DBH: variants seen among roughly 807,000 people sequenced by gnomAD.
The protein encoded by DBH is dopamine beta-hydroxylase.
Under a neutral mutation model 64.0 loss-of-function variants are expected in DBH, and 49 were observed. That is an observed-to-expected ratio of 0.77 (90% CI 0.61 to 0.97). The LOEUF (loss-of-function observed/expected upper bound fraction) is 0.97. Ranked by LOEUF, DBH falls within the 50% of genes least tolerant of loss-of-function variation. The probability of loss-of-function intolerance (pLI) is 0.00; values close to 1 mark genes in which losing one functional copy is unlikely to be tolerated. For synonymous variants in DBH, 343 were observed against 347.1 expected (o/e 0.99, Z 0.13); for missense variants, 828 against 826.6 (o/e 1.00, Z -0.02).
At chr9:133,637,373 G>A (rs1179809592) in intron 1 of DBH, among the ~76,000 whole-genome samples, 1 of 152,212 alleles carries the variant, frequency 6.6e-6, no homozygotes, top group Non-Finnish European at 1.5e-5. Flanking sequence ...CAAACTGGAG[G>A]GGACTTTAGG....
chr9:133,644,195 G>A (rs936417494), intron 4 of DBH, 23 bp from the exon 5 acceptor site: 1 of 1,589,032 alleles, frequency 6.3e-7, no homozygotes, highest in South Asian at 1.1e-5. Flanking sequence ...ACACCCGTCT[G>A]TCTGACACCT....
chr9:133,641,799 C>T (rs1234933586), intron 2 of DBH, among the ~76,000 whole-genome samples: 1 of 152,204 alleles, frequency 6.6e-6, no homozygotes, highest in Non-Finnish European at 1.5e-5. Context: ...TCCTTCCCTT[C>T]ATAGAGGGCA....
chr9:133,657,424 GGAGAGAGAGGAGAGAGAGGAGAGAGAGGA>G, intron 11 of DBH, 195 bp downstream of exon 11: 1 of 454,122 alleles, frequency 2.2e-6, no homozygotes, highest in Non-Finnish European at 3.9e-6. Context: ...AGGAGAGAGA[GGAGAGAGAGGAGAGAGAGGAGAGAGAGGA>G]GAGAGGGAGA....
chr9:133,653,055 C>T, intron 9 of DBH, 56 bp downstream of exon 9: 1 of 1,369,896 alleles, frequency 7.3e-7, no homozygotes, highest in Non-Finnish European at 1.0e-6. Flanking sequence ...CAGCCTGAGC[C>T]ATCTGAGGAA....
rs1022133940 is a variant in DBH at position 133,658,879 on chromosome 9, G to A, written c.*432G>A. 6.5e-5 allele frequency: 10 copies of A among 154,974 alleles called. No individual in the cohort carries two copies. The highest frequency in any genetic ancestry group is 1.7e-4 in the African/African-American group (7 of 41,574). The allele number at this position is 154,974 out of a possible 1,614,324, so 9.6% of individuals were successfully genotyped here. On this transcript the variant is annotated 3_prime_UTR_variant, in exon 12 of 12. Coordinates refer to ENST00000393056, the MANE Select transcript of DBH (RefSeq NM_000787.4). ...GCTGCTCCCGGTGTGCAGCGGGTGC[G>A]GGTGCCGCTTAAACATTTCCCTGCT... is the stretch of plus-strand genomic sequence containing the variant.
intron 5 of DBH, among the ~76,000 whole-genome samples, chr9:133,646,614 C>G (rs1041741292): frequency 6.6e-6 from 1 of 152,198 alleles, no homozygotes; most frequent in Non-Finnish European, 1.5e-5. Flanking sequence ...ACCTCCGCCT[C>G]CCAGGTTCAA....
chr9:133,658,516 T>TC lies in DBH; in HGVS notation c.*70dup. On this transcript the variant is annotated 3_prime_UTR_variant, in exon 12 of 12. Coordinates refer to ENST00000393056, the MANE Select transcript of DBH (RefSeq NM_000787.4). ...CTCACACCGGCACTGTGCACTCTAC[T>TC]CTGCGACGATCCCCATGGAACAGCC... 4.1e-6 allele frequency: 6 copies of TC among 1,469,134 alleles called. No homozygotes were observed. Among genetic ancestry groups the TC allele is most frequent in the Non-Finnish European group, 5.5e-6 (6 of 1,099,830 alleles). 91.0% of individuals were successfully genotyped at this position (1,469,134 alleles called of 1,614,324 possible). A position where few individuals can be genotyped will look rare whatever the true frequency, so the allele number is the denominator to read the frequency against.
At chr9:133,642,817 G>C (rs1296771004) in intron 3 of DBH, among the ~76,000 whole-genome samples, 1 of 152,140 alleles carries the variant, frequency 6.6e-6, no homozygotes, top group Non-Finnish European at 1.5e-5. Flanking sequence ...ACTTGCTCTC[G>C]AACACCCGTC....
At chr9:133,649,030 C>T (rs1832215192) in intron 6 of DBH, among the ~76,000 whole-genome samples, 1 of 152,126 alleles carries the variant, frequency 6.6e-6, no homozygotes, top group Non-Finnish European at 1.5e-5. Context: ...CGAGAGGGTG[C>T]CCGGTTTTAC....
At chr9:133,657,322 G>A (rs1832337386) in intron 11 of DBH, 93 bp downstream of exon 11, 1 of 1,499,492 alleles carries the variant, frequency 6.7e-7, no homozygotes, top group South Asian at 1.1e-5. Context: ...CCAAACTGCT[G>A]GCAAAAGCAC....
intron 11 of DBH, among the ~76,000 whole-genome samples, chr9:133,657,970 A>G (rs1365942780): frequency 1.3e-5 from 2 of 152,160 alleles, no homozygotes; most frequent in Non-Finnish European, 2.9e-5. Context: ...AAAACTTGGC[A>G]TTTGGTGTAG....
At chr9:133,645,049 C>T (rs1832167124) in intron 5 of DBH, among the ~76,000 whole-genome samples, 1 of 152,148 alleles carries the variant, frequency 6.6e-6, no homozygotes, top group African/African-American at 2.4e-5. Flanking sequence ...TTCTTCTTTT[C>T]ATTTGTGCAA....
chr9:133,643,286 C>A lies in DBH; in HGVS notation c.745-127C>A. 1.0e-6 allele frequency: 1 copy of A among 969,204 alleles called. No homozygotes were observed. Among genetic ancestry groups the A allele is most frequent in the South Asian group, 1.4e-5 (1 of 71,348 alleles). The allele number at this position is 969,204 out of a possible 1,614,324, so 60.0% of individuals were successfully genotyped here. On this transcript the variant is annotated intron_variant, in intron 3 of 11. Transcript: ENST00000393056. This position sits in a 1 kb window ranked among gnomAD's most constrained non-coding sequence, Gnocchi z 5.3. ...CTCAAGGCTGTGAACCCCAGAAGTG[C>A]CCCTGAAATTGTCTGGATCATCCCT... is the stretch of plus-strand genomic sequence containing the variant.
At chr9:133,657,419 AG>A (rs1564215700) in intron 11 of DBH, 190 bp downstream of exon 11, 122 of 389,984 alleles carry the variant, frequency 3.1e-4, no homozygotes, top group Non-Finnish European at 5.0e-4. Flanking sequence ...GAGAGAGGAG[AG>A]AGAGGAGAGA....
chr9:133,636,862 C>G (rs898822064), intron 1 of DBH, 152 bp downstream of exon 1: 8 of 780,608 alleles, frequency 1.0e-5, no homozygotes, highest in Admixed American at 8.0e-5. Context: ...GTCTGCACCC[C>G]GAGCTTGGGC....
Position 133,656,440 on chromosome 9 carries a change from T to A in DBH, c.1435-83T>A, listed in dbSNP as rs563445682. 60 of 1,591,020 alleles carry A rather than the reference T, an allele frequency of 3.8e-5. 1 individual carries two copies. The African/African-American group carries it at 7.0e-4, about 18-fold the overall frequency. ...AGTGAACAGACGAGTGGACGCAGTG[T>A]ACACGTGGGTGCGGCGAAAGCTGCT... On this transcript the variant is annotated intron_variant, in intron 9 of 11. Coordinates refer to ENST00000393056, the MANE Select transcript of DBH (RefSeq NM_000787.4).
At chr9:133,645,083 A>G (rs369755357) in intron 5 of DBH, among the ~76,000 whole-genome samples, 41 of 152,200 alleles carry the variant, frequency 2.7e-4, no homozygotes, top group African/African-American at 9.9e-4. Context: ...CCTAAGAGAT[A>G]GGTGCTAGGC....
At chr9:133,639,817 T>G (rs746454739) in intron 1 of DBH, 29 bp from the exon 2 acceptor site, 1 of 1,601,932 alleles carries the variant, frequency 6.2e-7, no homozygotes, top group African/African-American at 1.3e-5. Context: ...GGCTCCTTCA[T>G]GCCTGGAGCC....
chr9:133,637,752 C>G (rs1241769672), intron 1 of DBH, among the ~76,000 whole-genome samples: 1 of 152,156 alleles, frequency 6.6e-6, no homozygotes, highest in African/African-American at 2.4e-5. Context: ...GAGCTTGCCC[C>G]CTCCAATTCC....
Sources: allele counts gnomAD v4.1 joint callset (sites outside exome capture counted in the v4.1 genomes callset), GRCh38; gene constraint gnomAD v4.1.1; non-coding constraint Gnocchi (gnomAD v3.1); transcripts MANE v1.5; gene names NCBI Gene and HGNC (gene_info 2026-07-23, HGNC 2026-07-21).